Variants in POU2F1 observed in about 807,000 individuals in gnomAD.
POU2F1 encodes the protein POU class 2 homeobox 1.
Under a neutral mutation model 84.9 loss-of-function variants are expected in POU2F1, and 16 were observed. That is an observed-to-expected ratio of 0.19 (90% CI 0.13 to 0.29). The LOEUF is 0.29. Ranked by LOEUF, POU2F1 falls within the 10% of genes least tolerant of loss-of-function variation. The probability of loss-of-function intolerance (pLI) is 1.00; values close to 1 mark genes in which losing one functional copy is unlikely to be tolerated. For missense variants in POU2F1, 738 were observed against 942.6 expected (o/e 0.78, Z 2.84); for synonymous variants, 368 against 368.3 (o/e 1.00, Z 0.01).
At chr1:167,348,722 G>A (rs1216380742) in intron 2 of POU2F1, among the ~76,000 whole-genome samples, 1 of 152,142 alleles carries the variant, frequency 6.6e-6, no homozygotes, top group East Asian at 1.9e-4. Flanking sequence ...AAGGCAGTTA[G>A]ATGTTTGACT....
intron 1 of POU2F1, among the ~76,000 whole-genome samples, chr1:167,256,625 C>T (rs1466249566): frequency 1.3e-5 from 2 of 152,138 alleles, no homozygotes; most frequent in African/African-American, 2.4e-5. Flanking sequence ...GAATCTTCAG[C>T]TTAGTGAGTT....
At chr1:167,307,485 AC>A (rs1227279345) in intron 1 of POU2F1, among the ~76,000 whole-genome samples, 3 of 144,436 alleles carry the variant, frequency 2.1e-5, no homozygotes, top group African/African-American at 7.7e-5. Flanking sequence ...AAAAAAAAAA[AC>A]TGTATAGTGG....
Position 167,414,811 on chromosome 1 carries a change from T to A in POU2F1, c.1991-689T>A, listed in dbSNP as rs562005895. 119 of 780,902 alleles carry A rather than the reference T, an allele frequency of 1.5e-4. No individual in the cohort carries two copies. The African/African-American group carries it at 2.1e-3, about 14-fold the overall frequency. 48.4% of individuals were successfully genotyped at this position (780,902 alleles called of 1,614,324 possible). On this transcript the variant is annotated intron_variant, in intron 15 of 15. Transcript: ENST00000367866. ...AGAAATTAATTATACCTTTTAACTT[T>A]ATTTGGTGATACATAATTTATTTTA...
At position 167,399,382 on chromosome 1, in the gene POU2F1, G is replaced by A; in HGVS notation, c.1449+17G>A. 1 of 1,594,678 alleles carries A rather than the reference G, an allele frequency of 6.3e-7. No homozygotes were observed. Among genetic ancestry groups the A allele is most frequent in the Non-Finnish European group, 8.6e-7 (1 of 1,169,192 alleles). Reference sequence around the variant, plus strand: ...ACTTCACTGGTAAGAATAAAAAATAGGGAGTGCAAGCTCAAGGGCTAATTT... The same window carrying A: ...ACTTCACTGGTAAGAATAAAAAATAAGGAGTGCAAGCTCAAGGGCTAATTT... On this transcript the variant is annotated intron_variant, in intron 12 of 15. Coordinates refer to ENST00000367866, the MANE Select transcript of POU2F1 (RefSeq NM_002697.4).
intron 1 of POU2F1, among the ~76,000 whole-genome samples, chr1:167,307,557 G>C (rs1655161403): frequency 6.6e-6 from 1 of 151,422 alleles, no homozygotes; most frequent in Non-Finnish European, 1.5e-5. Context: ...AATAATTTGA[G>C]AGTTACAGAA....
intron 1 of POU2F1, among the ~76,000 whole-genome samples, chr1:167,315,624 TTTTGTTTGTTTG>T (rs535224611): frequency 2.1e-4 from 32 of 151,756 alleles, no homozygotes; most frequent in Non-Finnish European, 1.0e-4. Context: ...AAAAATTGTT[TTTTGTTTGTTTG>T]TTTGTTTGTT....
chr1:167,298,588 G>A (rs1424470337), intron 1 of POU2F1, among the ~76,000 whole-genome samples: 1 of 151,880 alleles, frequency 6.6e-6, no homozygotes, highest in Non-Finnish European at 1.5e-5. Context: ...GAATTTCCTG[G>A]GGTGGTTTGT....
chr1:167,334,151 CTTTTTT>C (rs57242474), intron 2 of POU2F1, among the ~76,000 whole-genome samples: 2 of 66,794 alleles, frequency 3.0e-5, no homozygotes, highest in Non-Finnish European at 2.6e-5. Context: ...AACTACAACA[CTTTTTT>C]TTTTTTTTTT....
intron 2 of POU2F1, among the ~76,000 whole-genome samples, chr1:167,338,888 A>G (rs1657652089): frequency 6.6e-6 from 1 of 152,190 alleles, no homozygotes; most frequent in Admixed American, 6.5e-5. Flanking sequence ...GTGTACAAGT[A>G]TCTGTTTGAG....
chr1:167,413,824 GACATC>G (rs1224284234), intron 15 of POU2F1, among the ~76,000 whole-genome samples: 1 of 152,006 alleles, frequency 6.6e-6, no homozygotes, highest in African/African-American at 2.4e-5. Flanking sequence ...CAATTTGAGA[GACATC>G]ACTAATTAAT....
At chr1:167,303,183 A>G (rs1431128221) in intron 1 of POU2F1, among the ~76,000 whole-genome samples, 1 of 152,076 alleles carries the variant, frequency 6.6e-6, no homozygotes, top group African/African-American at 2.4e-5. Flanking sequence ...TTTAAAAAAA[A>G]CCTGAGTAGG....
intron 2 of POU2F1, among the ~76,000 whole-genome samples, chr1:167,345,953 G>T (rs1051009147): frequency 1.3e-5 from 2 of 150,514 alleles, no homozygotes; most frequent in African/African-American, 2.4e-5. Flanking sequence ...TGGAGCCCAG[G>T]AGTTGAAGAC....
rs1051678033 is a variant in POU2F1 at position 167,418,216 on chromosome 1, G to A, written c.*2406G>A. 10 of 152,198 alleles carry A rather than the reference G, an allele frequency of 6.6e-5. No homozygotes were observed. Among genetic ancestry groups the A allele is most frequent in the Non-Finnish European group, 1.5e-4 (10 of 68,028 alleles). 9.4% of individuals were successfully genotyped at this position (152,198 alleles called of 1,614,324 possible). A position where few individuals can be genotyped will look rare whatever the true frequency, so the allele number is the denominator to read the frequency against. Reference sequence around the variant, plus strand: ...TTGTCTTTATTAATTTTATATGAAAGTTGCTGCTTGTTTTTAATCTTTTAT... The same window carrying A: ...TTGTCTTTATTAATTTTATATGAAAATTGCTGCTTGTTTTTAATCTTTTAT... On this transcript the variant is annotated 3_prime_UTR_variant, in exon 16 of 16. Coordinates refer to ENST00000367866, the MANE Select transcript of POU2F1 (RefSeq NM_002697.4).
chr1:167,392,220 G>T (rs1038585194), intron 9 of POU2F1, among the ~76,000 whole-genome samples: 3 of 151,804 alleles, frequency 2.0e-5, no homozygotes, highest in Non-Finnish European at 4.4e-5. Context: ...GCGTGCTGGC[G>T]GGCGCCTGTA....
At chr1:167,414,516 T>C in intron 15 of POU2F1, 1 of 985,362 alleles carries the variant, frequency 1.0e-6, no homozygotes, top group Non-Finnish European at 1.2e-6. Flanking sequence ...AATCTACATG[T>C]AGGAGTGAGG....
intron 1 of POU2F1, among the ~76,000 whole-genome samples, chr1:167,326,551 C>T (rs1046119713): frequency 2.0e-5 from 3 of 152,148 alleles, no homozygotes; most frequent in African/African-American, 7.2e-5. Context: ...GTACCTAGGT[C>T]AAGGGTGGTA....
intron 1 of POU2F1, among the ~76,000 whole-genome samples, chr1:167,221,564 G>T (rs1438462140): frequency 1.3e-5 from 2 of 149,904 alleles, no homozygotes; most frequent in African/African-American, 4.9e-5. Context: ...CGGGCGGGGG[G>T]GCGCTGCCCG....
At chr1:167,359,320 G>C (rs760998755) in intron 2 of POU2F1, among the ~76,000 whole-genome samples, 12 of 152,106 alleles carry the variant, frequency 7.9e-5, no homozygotes, top group Admixed American at 5.2e-4. Context: ...ACCTAGTACC[G>C]TAGGTAGTTT....
At chr1:167,408,334 C>T (rs1649724380) in intron 13 of POU2F1, among the ~76,000 whole-genome samples, 1 of 152,146 alleles carries the variant, frequency 6.6e-6, no homozygotes, top group Non-Finnish European at 1.5e-5. Flanking sequence ...TTCTTTTAAA[C>T]ATAAATTTAC....
Sources: gnomAD v4.1 joint callset for allele counts (sites outside exome capture counted in the v4.1 genomes callset) on GRCh38, gnomAD v4.1.1 for gene constraint, MANE v1.5 for transcripts, NCBI Gene and HGNC (gene_info 2026-07-23, HGNC 2026-07-21) for gene names.